Variants in CPNE2 observed in about 807,000 individuals in gnomAD.
CPNE2 encodes the protein copine 2.
In CPNE2, 42 loss-of-function variants were observed where a neutral mutation model predicts 69.7. The observed-to-expected ratio is 0.60, with a 90% CI of 0.47 to 0.78. The LOEUF (loss-of-function observed/expected upper bound fraction) is 0.78. Ranked by LOEUF, CPNE2 falls within the 30% of genes least tolerant of loss-of-function variation. The probability of loss-of-function intolerance (pLI) is 0.00; values close to 1 mark genes in which losing one functional copy is unlikely to be tolerated. For missense variants in CPNE2, 587 were observed against 732.0 expected, an observed-to-expected ratio of 0.80 and a Z score of 2.29; for synonymous variants, 294 against 289.8, an observed-to-expected ratio of 1.01 and a Z score of -0.15.
chr16:57,096,367 C>T (rs1219072270), intron 1 of CPNE2, among the ~76,000 whole-genome samples: 2 of 152,160 alleles, frequency 1.3e-5, no homozygotes, highest in African/African-American at 2.4e-5. Context: ...TCTTACAATA[C>T]ACTTTTCTCA....
intron 13 of CPNE2, 119 bp downstream of exon 13, chr16:57,134,945 T>TG: frequency 8.9e-7 from 1 of 1,120,900 alleles, no homozygotes; most frequent in Non-Finnish European, 1.3e-6. Context: ...TCCCCCTTAC[T>TG]GTTGCTCAGA....
rs150548785 is a variant in CPNE2 at position 57,125,613 on chromosome 16, G to T, written c.928-247G>T. 2.6e-3 allele frequency: 1,422 copies of T among 543,032 alleles called. 13 individuals carry two copies. Among genetic ancestry groups the T allele is most frequent in the African/African-American group, 0.025 (1,336 of 52,746 alleles). The allele number at this position is 543,032 out of a possible 1,614,324, so 33.6% of individuals were successfully genotyped here. A position where few individuals can be genotyped will look rare whatever the true frequency, so the allele number is the denominator to read the frequency against. On this transcript the variant is annotated intron_variant, in intron 10 of 15. Transcript: ENST00000290776. ...GAGAAAAAGGAATCTGGGACTGTAC[G>T]TTAGTCTCTTATGTCATCACATCTA... is the stretch of plus-strand genomic sequence containing the variant.
chr16:57,126,143 C>T, intron 11 of CPNE2, 150 bp downstream of exon 11: 3 of 1,022,030 alleles, frequency 2.9e-6, no homozygotes, highest in Non-Finnish European at 2.8e-6. Context: ...TTCCCATACC[C>T]TTGGCAGACA....
Position 57,147,009 on chromosome 16 carries a change from G to A in CPNE2, c.1540-542G>A, listed in dbSNP as rs561313921. On this transcript the variant is annotated intron_variant, in intron 15 of 15. Coordinates refer to ENST00000290776, the MANE Select transcript of CPNE2 (RefSeq NM_152727.6). ...AGCCTCAGCAAGAACTGCCCATGCT[G>A]GTTTGCACCCAGTGGCCCTCACCTC... is the stretch of plus-strand genomic sequence containing the variant. 46 of 153,416 alleles carry A rather than the reference G, an allele frequency of 3.0e-4. 1 individual carries two copies. The South Asian group carries it at 9.2e-3, about 31-fold the overall frequency. 9.5% of individuals were successfully genotyped at this position (153,416 alleles called of 1,614,324 possible). A position where few individuals can be genotyped will look rare whatever the true frequency, so the allele number is the denominator to read the frequency against.
In CPNE2 at chr16:57,148,343, TA is replaced by T. The variant is rs2069974984; in HGVS notation, c.*688del. The T allele has an allele frequency of 6.6e-6, 1 of 152,192 alleles. No homozygotes were observed. The highest frequency in any genetic ancestry group is 2.4e-5 in the African/African-American group (1 of 41,436). 9.4% of individuals were successfully genotyped at this position (152,192 alleles called of 1,614,324 possible). On this transcript the variant is annotated 3_prime_UTR_variant, in exon 16 of 16. Coordinates refer to ENST00000290776, the MANE Select transcript of CPNE2 (RefSeq NM_152727.6). The stretch of plus-strand genomic sequence containing the variant: ...AACCTGGCACATTGTACAAACTCAA[TA>T]AATATTCATGGATGAATAGAATGAA...
intron 1 of CPNE2, among the ~76,000 whole-genome samples, chr16:57,100,642 T>C (rs1166412214): frequency 1.3e-5 from 2 of 152,220 alleles, no homozygotes; most frequent in African/African-American, 4.8e-5. Flanking sequence ...CTTCCTAGCC[T>C]TGGTTTACTC....
chr16:57,134,358 G>A lies in CPNE2; in HGVS notation c.1117-417G>A, dbSNP rs565530833. Among the ~76,000 whole-genome samples the A allele has an allele frequency of 2.9e-4, 44 of 152,326 alleles. No individual in the cohort carries two copies. In the South Asian group the frequency reaches 7.2e-3, roughly 25 times the overall value. ...AGCCCCTTTGCTTACTGTTAAGGTA[G>A]GAAAAGCCTCTGAAGCCCAGAGAAG... On this transcript the variant is annotated intron_variant, in intron 12 of 15. Coordinates refer to ENST00000290776, the MANE Select transcript of CPNE2 (RefSeq NM_152727.6).
At position 57,119,543 on chromosome 16, in the gene CPNE2, TC is replaced by T. The variant is rs1267108026; in HGVS notation, c.592-15del. 1 of 1,604,152 alleles carries T rather than the reference TC, an allele frequency of 6.2e-7. No homozygotes were observed. The highest frequency in any genetic ancestry group is 2.2e-5 in the East Asian group (1 of 44,790). On this transcript the variant is annotated splice_polypyrimidine_tract_variant and intron_variant, in intron 6 of 15. Coordinates refer to ENST00000290776, the MANE Select transcript of CPNE2 (RefSeq NM_152727.6). ...CTGCCCAGGGCCTGAGCTCACAGCA[TC>T]CCTCTCTGTCCCACAGGTGATCAAG...
At chr16:57,119,707 A>G in intron 7 of CPNE2, 57 bp downstream of exon 7, 1 of 1,222,400 alleles carries the variant, frequency 8.2e-7, no homozygotes, top group Non-Finnish European at 1.2e-6. Flanking sequence ...CTCCCAGTCT[A>G]CCTGAGGCTC....
intron 1 of CPNE2, among the ~76,000 whole-genome samples, chr16:57,098,880 C>T (rs368738603): frequency 6.6e-5 from 10 of 152,160 alleles, no homozygotes; most frequent in African/African-American, 1.9e-4. Context: ...TAAGTGATTC[C>T]CTCTCAAGGA....
chr16:57,137,657 TA>T (rs1418790557), intron 14 of CPNE2, among the ~76,000 whole-genome samples: 2 of 152,114 alleles, frequency 1.3e-5, no homozygotes, highest in Non-Finnish European at 2.9e-5. Flanking sequence ...GCCCCTGCCT[TA>T]CACTGAGGGC....
intron 7 of CPNE2, among the ~76,000 whole-genome samples, chr16:57,120,726 T>G (rs1271676116): frequency 6.6e-6 from 1 of 152,156 alleles, no homozygotes; most frequent in East Asian, 1.9e-4. Flanking sequence ...TCAGACAGCA[T>G]ATAAAGCTGT....
At chr16:57,138,680 C>G (rs1467266551) in intron 14 of CPNE2, among the ~76,000 whole-genome samples, 9 of 152,170 alleles carry the variant, frequency 5.9e-5, no homozygotes, top group Admixed American at 5.9e-4. Context: ...CTTGCCTTCT[C>G]TGCCTGTTCC....
intron 1 of CPNE2, among the ~76,000 whole-genome samples, chr16:57,099,153 C>A (rs567598105): frequency 6.6e-6 from 1 of 152,262 alleles, no homozygotes; most frequent in African/African-American, 2.4e-5. Flanking sequence ...TGACTTCCAG[C>A]AGCATAGATT....
intron 1 of CPNE2, among the ~76,000 whole-genome samples, chr16:57,110,068 G>A (rs1312440329): frequency 6.6e-6 from 1 of 152,160 alleles, no homozygotes; most frequent in Admixed American, 6.6e-5. Context: ...TAGTATCTGA[G>A]ACACCCATGT....
Position 57,115,469 on chromosome 16 carries a change from C to T in CPNE2, c.361-7C>T, listed in dbSNP as rs1354317594. On this transcript the variant is annotated splice_polypyrimidine_tract_variant and splice_region_variant and intron_variant, in intron 3 of 15. Transcript: ENST00000290776. The stretch of plus-strand genomic sequence containing the variant: ...TCACTGAGCGCCCTTTCTCCTCTCT[C>T]CCCTAGATCGTCTCCAGCAAGAAGA... 6.2e-7 allele frequency: 1 copy of T among 1,610,496 alleles called. No homozygotes were observed. Among genetic ancestry groups the T allele is most frequent in the Non-Finnish European group, 8.5e-7 (1 of 1,177,798 alleles).
chr16:57,119,337 C>T, intron 6 of CPNE2, 59 bp downstream of exon 6: 1 of 1,550,980 alleles, frequency 6.4e-7, no homozygotes, highest in Non-Finnish European at 8.9e-7. Context: ...AGCCCCTCCA[C>T]AGCTCTGAAA....
intron 10 of CPNE2, 22 bp from the exon 11 acceptor site, chr16:57,125,838 G>A (rs780011907): frequency 1.2e-6 from 2 of 1,613,874 alleles, no homozygotes; most frequent in South Asian, 1.1e-5. Context: ...CCCACTGGGT[G>A]GCCTTTTTCT....
rs551094844 is a variant in CPNE2 at position 57,110,936 on chromosome 16, G to A, written c.180+14G>A. On this transcript the variant is annotated intron_variant, in intron 2 of 15. Coordinates refer to ENST00000290776, the MANE Select transcript of CPNE2 (RefSeq NM_152727.6). ...AGATGGATCGAGGTGAGGCTCTTCCGTGTGTCTGCGGTGGGTAAGGGGGTG... is the reference window on the plus strand; with the variant it reads ...AGATGGATCGAGGTGAGGCTCTTCCATGTGTCTGCGGTGGGTAAGGGGGTG... 5.3e-5 allele frequency: 85 copies of A among 1,606,986 alleles called. 1 individual carries two copies. In the South Asian group the frequency reaches 8.2e-4, roughly 15 times the overall value.
Sources: allele counts gnomAD v4.1 joint callset (sites outside exome capture counted in the v4.1 genomes callset), GRCh38; gene constraint gnomAD v4.1.1; transcripts MANE v1.5; gene names NCBI Gene and HGNC (gene_info 2026-07-23, HGNC 2026-07-21).